TRAK1: variants seen among roughly 807,000 people sequenced by gnomAD.
TRAK1 encodes trafficking kinesin protein 1, also known as trafficking kinesin-binding protein 1.
A neutral mutation model predicts 92.1 loss-of-function variants in TRAK1; 33 were observed. The ratio of observed to expected loss-of-function variants is 0.36; its 90% CI spans 0.27 to 0.48. TRAK1 has a LOEUF of 0.48. Among genes scored for constraint, TRAK1 ranks in the 20% least tolerant of loss-of-function variants. The pLI is 0.99. For synonymous variants in TRAK1, 521 were observed against 517.3 expected (o/e 1.01, Z -0.10); for missense variants, 1,123 against 1,257.9 (o/e 0.89, Z 1.62).
At chr3:42,115,735 G>T (rs1709078546) in intron 1 of TRAK1, among the ~76,000 whole-genome samples, 1 of 152,112 alleles carries the variant, frequency 6.6e-6, no homozygotes, top group South Asian at 2.1e-4. Flanking sequence ...CTCTCTTCTG[G>T]AGATCCCCTT....
In TRAK1 at chr3:42,125,541, T is replaced by C. The variant is rs760184227; in HGVS notation, c.213T>C (p.His71=). The C allele has an allele frequency of 3.1e-6, 5 of 1,614,116 alleles. No homozygotes were observed. The African/African-American group carries it at 6.7e-5, about 22-fold the overall frequency. ...IYGYDHDDWL[H]TPLISPDANI... is the part of the protein sequence containing the mutation. Reference sequence around the variant, plus strand: ...GTTATGACCACGACGACTGGCTCCATACACCTCTCATTTCTCCAGATGCCA... The same window carrying C: ...GTTATGACCACGACGACTGGCTCCACACACCTCTCATTTCTCCAGATGCCA... The change falls in exon 2 of 16, where the codon CAT becomes CAC. Residue 71 remains histidine (H), a synonymous_variant. Coordinates refer to ENST00000327628, the MANE Select transcript of TRAK1 (RefSeq NM_001042646.3).
chr3:42,091,503 A>C lies in TRAK1; in HGVS notation c.34A>C (p.Arg12=), dbSNP rs201247968. 1.2e-6 allele frequency: 2 copies of C among 1,613,442 alleles called. No individual in the cohort carries two copies. Among genetic ancestry groups the C allele is most frequent in the Non-Finnish European group, 1.7e-6 (2 of 1,179,850 alleles). The change falls in exon 1 of 16, where the codon AGG becomes CGG. Residue 12 remains arginine (R), a synonymous_variant. Coordinates refer to ENST00000327628, the MANE Select transcript of TRAK1 (RefSeq NM_001042646.3). The part of the protein sequence containing the change: ...ALVFQFGQPV[R]AQPLPGLCHG... ...GGTTTTTCAATTCGGGCAGCCCGTC[A>C]GGGCTCAGCCTCTGCCAGGACTCTG...
chr3:42,132,814 C>G (rs931938669), intron 2 of TRAK1, among the ~76,000 whole-genome samples: 6 of 152,156 alleles, frequency 3.9e-5, no homozygotes, highest in Non-Finnish European at 8.8e-5. Flanking sequence ...TATGCCCACC[C>G]TGACCTTCCC....
chr3:42,152,787 T>G (rs1050619756), intron 2 of TRAK1, among the ~76,000 whole-genome samples: 4 of 152,216 alleles, frequency 2.6e-5, no homozygotes, highest in Non-Finnish European at 5.9e-5. Context: ...GTGTATGTCC[T>G]TATGTTAAAG....
At chr3:42,163,230 G>T (rs772749092) in intron 2 of TRAK1, among the ~76,000 whole-genome samples, 7 of 152,140 alleles carry the variant, frequency 4.6e-5, no homozygotes, top group South Asian at 2.1e-4. Flanking sequence ...TCAAAGTGGG[G>T]TCCCTGACCA....
chr3:42,043,762 A>C (rs1702647413), intron 1 of TRAK1, among the ~76,000 whole-genome samples: 1 of 145,670 alleles, frequency 6.9e-6, no homozygotes, highest in African/African-American at 2.5e-5. Flanking sequence ...GGATGACAGG[A>C]CCCACCCCAC....
Position 42,203,145 on chromosome 3 carries a change from C to T in TRAK1, c.1744+393C>T, listed in dbSNP as rs781028543. On this transcript the variant is annotated intron_variant, in intron 13 of 15. Transcript: ENST00000327628. ...GGAATGCAGAAAATTAATGCTTTAG[C>T]TTTTCTGCAGTTTTGGTGTCGGGGA... The T allele has an allele frequency of 3.3e-4, 397 of 1,211,096 alleles. 3 individuals carry two copies. Among genetic ancestry groups the T allele is most frequent in the Middle Eastern group, 9.6e-4 (3 of 3,128 alleles). 75.0% of individuals were successfully genotyped at this position (1,211,096 alleles called of 1,614,324 possible).
chr3:42,188,952 A>G, intron 5 of TRAK1, 64 bp from the exon 6 acceptor site: 6 of 1,202,480 alleles, frequency 5.0e-6, no homozygotes, highest in East Asian at 2.3e-5. Context: ...GTGTCTCCAC[A>G]TGGTTTGCCA....
At chr3:42,089,923 A>G (rs1995137), upstream of TRAK1, among the ~76,000 whole-genome samples, 85,752 of 151,950 alleles carry the variant, frequency 0.56, 24,432 homozygotes, top group South Asian at 0.68. Flanking sequence ...CAATTGTGTC[A>G]ATTTGTGCAG....
intron 1 of TRAK1, among the ~76,000 whole-genome samples, chr3:42,036,249 A>G (rs1236224064): frequency 6.6e-6 from 1 of 152,224 alleles, no homozygotes; most frequent in Non-Finnish European, 1.5e-5. Context: ...TGTAGGTTCC[A>G]TGAGGGCAGA....
rs1181088903 is a variant in TRAK1, at chr3:42,217,490, T to G, written c.1964-2004T>G. On this transcript the variant is annotated intron_variant, in intron 14 of 15. Coordinates refer to ENST00000327628, the MANE Select transcript of TRAK1 (RefSeq NM_001042646.3). ...ATGGGTTTGCTTCTGCTGATGCAACTACGTCTCTAAAATGTCCATCTTACA... is the reference window on the plus strand; with the variant it reads ...ATGGGTTTGCTTCTGCTGATGCAACGACGTCTCTAAAATGTCCATCTTACA... 9.1e-6 allele frequency: 9 copies of G among 985,310 alleles called. No homozygotes were observed. The East Asian group carries it at 9.1e-4, about 99-fold the overall frequency. 61.0% of individuals were successfully genotyped at this position (985,310 alleles called of 1,614,324 possible).
chr3:42,149,032 C>G (rs1195338559), intron 2 of TRAK1, among the ~76,000 whole-genome samples: 1 of 152,160 alleles, frequency 6.6e-6, no homozygotes, highest in Non-Finnish European at 1.5e-5. Flanking sequence ...CCTGGCATCT[C>G]TCAGCCTCTG....
intron 2 of TRAK1, among the ~76,000 whole-genome samples, chr3:42,127,200 A>C (rs2149147666): frequency 6.6e-6 from 1 of 152,322 alleles, no homozygotes; most frequent in South Asian, 2.1e-4. Context: ...AAAAAAATTC[A>C]CAAGAGAATA....
intron 1 of TRAK1, among the ~76,000 whole-genome samples, chr3:42,030,372 A>AT (rs1553701574): frequency 0.012 from 1,553 of 132,302 alleles, 29 homozygotes; most frequent in East Asian, 0.078. Flanking sequence ...TAAAAAAAAA[A>AT]ATATATATAT....
At chr3:42,134,937 T>A (rs1697751239) in intron 2 of TRAK1, among the ~76,000 whole-genome samples, 1 of 151,514 alleles carries the variant, frequency 6.6e-6, no homozygotes, top group Non-Finnish European at 1.5e-5. Context: ...GCAGTGGCAT[T>A]AATTATAGCT....
intron 2 of TRAK1, among the ~76,000 whole-genome samples, chr3:42,140,058 T>C (rs1484233713): frequency 2.0e-5 from 3 of 152,204 alleles, no homozygotes; most frequent in African/African-American, 7.2e-5. Flanking sequence ...TTCTTCTCTC[T>C]GTCCTTCTCA....
intron 1 of TRAK1, among the ~76,000 whole-genome samples, chr3:42,022,885 G>A (rs965502027): frequency 6.6e-6 from 1 of 151,830 alleles, no homozygotes; most frequent in African/African-American, 2.4e-5. Context: ...CTGGCCAGGC[G>A]CAGTGGCTCA....
At chr3:42,180,444 G>A (rs1703838759) in intron 3 of TRAK1, among the ~76,000 whole-genome samples, 3 of 152,118 alleles carry the variant, frequency 2.0e-5, no homozygotes, top group Non-Finnish European at 4.4e-5. Context: ...ACCAGCCTGG[G>A]TAGCATAGTG....
intron 7 of TRAK1, among the ~76,000 whole-genome samples, chr3:42,192,410 G>A (rs949409498): frequency 6.6e-6 from 1 of 151,822 alleles, no homozygotes; most frequent in Non-Finnish European, 1.5e-5. Context: ...ATTGCATTTC[G>A]TCAAAGTACT....
Sources: allele counts gnomAD v4.1 joint callset (sites outside exome capture counted in the v4.1 genomes callset), GRCh38; gene constraint gnomAD v4.1.1; transcripts MANE v1.5; gene names NCBI Gene and HGNC (gene_info 2026-07-23, HGNC 2026-07-21).